The following KIAA1328 variants were observed in gnomAD, a reference collection of about 807,000 sequenced individuals.
KIAA1328 encodes KIAA1328, also known as protein hinderin.
Under a neutral mutation model 68.1 loss-of-function variants are expected in KIAA1328, and 52 were observed. The observed-to-expected ratio is 0.76, with a 90% CI of 0.61 to 0.96. KIAA1328 has a LOEUF of 0.96. Ranked by LOEUF, KIAA1328 falls within the 40% of genes least tolerant of loss-of-function variation. The pLI, the probability that KIAA1328 is intolerant of heterozygous loss-of-function variation, is 0.00. For synonymous variants in KIAA1328, 232 were observed against 239.4 expected (o/e 0.97, Z 0.28); for missense variants, 641 against 677.6 (o/e 0.95, Z 0.60).
intron 5 of KIAA1328, among the ~76,000 whole-genome samples, chr18:36,907,152 G>A (rs2049252780): frequency 6.6e-6 from 1 of 152,044 alleles, no homozygotes; most frequent in Admixed American, 6.6e-5. Context: ...TCCAATGACT[G>A]CTAAAGTCAC....
intron 4 of KIAA1328, among the ~76,000 whole-genome samples, chr18:36,875,702 A>G (rs891321439): frequency 5.3e-5 from 8 of 152,100 alleles, no homozygotes; most frequent in Admixed American, 4.6e-4. Flanking sequence ...TTCCAATACT[A>G]TGTTGAATAG....
chr18:37,008,555 G>T (rs942307360), intron 6 of KIAA1328, among the ~76,000 whole-genome samples: 2 of 152,140 alleles, frequency 1.3e-5, no homozygotes, highest in African/African-American at 4.8e-5. Flanking sequence ...CTAGAGAAAA[G>T]ATAATTAAGA....
intron 7 of KIAA1328, among the ~76,000 whole-genome samples, chr18:37,097,086 C>T (rs955914562): frequency 6.6e-6 from 1 of 152,122 alleles, no homozygotes; most frequent in African/African-American, 2.4e-5. Context: ...TGATTAGATC[C>T]CATTTGTCAA....
intron 7 of KIAA1328, among the ~76,000 whole-genome samples, chr18:37,094,753 G>C (rs2057357877): frequency 3.3e-5 from 5 of 152,012 alleles, no homozygotes; most frequent in Admixed American, 3.3e-4. Context: ...TAATGTAATT[G>C]GTTTAAATTC....
intron 6 of KIAA1328, among the ~76,000 whole-genome samples, chr18:37,004,979 T>A (rs922444063): frequency 1.3e-5 from 2 of 152,128 alleles, no homozygotes; most frequent in Non-Finnish European, 1.5e-5. Flanking sequence ...ACTATTGTTC[T>A]AAGTGAAGTA....
At chr18:36,952,608 G>A (rs937492864) in intron 5 of KIAA1328, among the ~76,000 whole-genome samples, 1 of 152,308 alleles carries the variant, frequency 6.6e-6, no homozygotes, top group East Asian at 1.9e-4. Context: ...AGCCAAGAAT[G>A]TTGGACTGAC....
intron 8 of KIAA1328, among the ~76,000 whole-genome samples, chr18:37,170,828 A>G (rs1482940152): frequency 6.6e-6 from 1 of 152,170 alleles, no homozygotes; most frequent in East Asian, 1.9e-4. Flanking sequence ...TTATAAAAAT[A>G]TTATTTCAAA....
intron 8 of KIAA1328, among the ~76,000 whole-genome samples, chr18:37,165,893 T>G (rs1434061312): frequency 6.6e-6 from 1 of 152,060 alleles, no homozygotes; most frequent in Non-Finnish European, 1.5e-5. Context: ...TGAGAAAGTT[T>G]CCTCCTAGTT....
At chr18:37,084,133 C>T in intron 7 of KIAA1328, 1 of 1,486,150 alleles carries the variant, frequency 6.7e-7, no homozygotes, top group Non-Finnish European at 8.9e-7. Context: ...AGGTTAAAAG[C>T]TCAGGCTCTG....
chr18:37,159,012 G>A (rs1015380928), intron 7 of KIAA1328, among the ~76,000 whole-genome samples: 18 of 151,670 alleles, frequency 1.2e-4, no homozygotes, highest in African/African-American at 4.1e-4. Flanking sequence ...ACATCTTCTG[G>A]TGGGTCTGAG....
intron 7 of KIAA1328, among the ~76,000 whole-genome samples, chr18:37,083,961 GTGTT>G (rs759341322): frequency 3.8e-4 from 58 of 152,090 alleles, no homozygotes; most frequent in Admixed American, 9.2e-4. Flanking sequence ...AAATCAATTT[GTGTT>G]TGTTTATGTA....
intron 6 of KIAA1328, 43 bp from the exon 7 acceptor site, chr18:37,066,847 T>C: frequency 6.8e-7 from 1 of 1,473,520 alleles, no homozygotes; most frequent in Non-Finnish European, 9.0e-7. Context: ...GAACTTGTTT[T>C]GTTGTGTTCT....
At chr18:37,204,900 C>T (rs549002913) in intron 9 of KIAA1328, among the ~76,000 whole-genome samples, 1 of 151,878 alleles carries the variant, frequency 6.6e-6, no homozygotes, top group Non-Finnish European at 1.5e-5. Flanking sequence ...TTTTAAAATT[C>T]TTTTAAAATC....
chr18:37,156,606 A>G (rs959994947), intron 7 of KIAA1328, among the ~76,000 whole-genome samples: 10 of 152,142 alleles, frequency 6.6e-5, no homozygotes, highest in African/African-American at 2.4e-4. Flanking sequence ...TGATGAATAT[A>G]TAAGTGAATG....
intron 9 of KIAA1328, among the ~76,000 whole-genome samples, chr18:37,219,413 G>T (rs1472470973): frequency 6.6e-6 from 1 of 152,214 alleles, no homozygotes; most frequent in Non-Finnish European, 1.5e-5. Flanking sequence ...CTTCTGTTCA[G>T]CTCTGCCCTT....
chr18:37,129,717 G>A (rs2058477010), intron 7 of KIAA1328, among the ~76,000 whole-genome samples: 1 of 152,130 alleles, frequency 6.6e-6, no homozygotes, highest in South Asian at 2.1e-4. Flanking sequence ...TATGGCAAAT[G>A]ATACTTATTG....
At chr18:36,857,080 CCTTGCACTGCTAAGGCAAGGAGG>C (rs1044272994) in intron 4 of KIAA1328, among the ~76,000 whole-genome samples, 4 of 152,074 alleles carry the variant, frequency 2.6e-5, no homozygotes, top group Admixed American at 2.6e-4. Flanking sequence ...CCCTTAGCCT[CCTTGCACTGCTAAGGCAAGGAGG>C]CTTGCACTGA....
At position 36,835,368 on chromosome 18, in the gene KIAA1328, G is replaced by C. The variant is rs376918375; in HGVS notation, c.229G>C (p.Asp77His). ...ESLKGTGDSV[D>H]EQNSCRGEIK... ...CTTAAAAGGCACAGGAGATTCAGTAGATGAACAGGTTAGTATTTTTTTCGT... is the reference window on the plus strand; with the variant it reads ...CTTAAAAGGCACAGGAGATTCAGTACATGAACAGGTTAGTATTTTTTTCGT... Residue 77 changes from aspartate to histidine, a missense_variant, in exon 3 of 10, where the codon GAT (aspartate) becomes CAT (histidine). Transcript: ENST00000280020. 1.2e-6 allele frequency: 2 copies of C among 1,610,798 alleles called. No individual in the cohort carries two copies. Among genetic ancestry groups the C allele is most frequent in the Non-Finnish European group, 1.7e-6 (2 of 1,178,826 alleles).
chr18:37,210,033 A>G (rs926844303), intron 9 of KIAA1328, among the ~76,000 whole-genome samples: 5 of 152,206 alleles, frequency 3.3e-5, no homozygotes, highest in Admixed American at 6.5e-5. Flanking sequence ...AAGGAAAATC[A>G]GGAGATGTCT....
Sources: allele counts gnomAD v4.1 joint callset (sites outside exome capture counted in the v4.1 genomes callset), GRCh38; gene constraint gnomAD v4.1.1; transcripts MANE v1.5; gene names NCBI Gene and HGNC (gene_info 2026-07-23, HGNC 2026-07-21).